The following ZWILCH variants were observed in gnomAD, a reference collection of about 807,000 sequenced individuals.
The protein encoded by ZWILCH is protein zwilch homolog.
In ZWILCH, 74 loss-of-function variants were observed where a neutral mutation model predicts 79.9. That is an observed-to-expected ratio of 0.93 (90% CI 0.77 to 1.12). The LOEUF (loss-of-function observed/expected upper bound fraction) is 1.12. ZWILCH is among the 50% of genes most tolerant of loss of function. The probability of loss-of-function intolerance (pLI) is 0.00; values close to 1 mark genes in which losing one functional copy is unlikely to be tolerated. For synonymous variants in ZWILCH, 241 were observed against 228.2 expected, an observed-to-expected ratio of 1.06 and a Z score of -0.51; for missense variants, 694 against 687.5, an observed-to-expected ratio of 1.01 and a Z score of -0.11.
intron 17 of ZWILCH, among the ~76,000 whole-genome samples, chr15:66,543,979 A>C (rs565298376): frequency 1.3e-5 from 2 of 152,290 alleles, no homozygotes; most frequent in African/African-American, 4.8e-5. Context: ...TCTTTTAAAG[A>C]AGAAAACATA....
chr15:66,509,183 G>A (rs1253492782), intron 2 of ZWILCH, among the ~76,000 whole-genome samples: 2 of 151,958 alleles, frequency 1.3e-5, no homozygotes, highest in African/African-American at 2.4e-5. Context: ...CTCATGATCC[G>A]CCCGCCTCGG....
chr15:66,510,815 A>G (rs75456687), intron 2 of ZWILCH, among the ~76,000 whole-genome samples: 1,969 of 152,150 alleles, frequency 0.013, 35 homozygotes, highest in African/African-American at 0.045. Flanking sequence ...ACATCACTCA[A>G]ATCTCTGCTT....
chr15:66,509,062 C>T (rs1846533458), intron 2 of ZWILCH, among the ~76,000 whole-genome samples, 170 bp downstream of exon 2: 3 of 152,140 alleles, frequency 2.0e-5, no homozygotes, highest in Admixed American at 2.0e-4. Flanking sequence ...GCCTCAGCCT[C>T]CCGAGTAGCT....
chr15:66,539,657 A>C (rs752289846), intron 16 of ZWILCH, among the ~76,000 whole-genome samples: 1 of 152,150 alleles, frequency 6.6e-6, no homozygotes, highest in East Asian at 1.9e-4. Flanking sequence ...AATGTCTCCT[A>C]TCACAGGGAT....
chr15:66,537,609 T>G (rs1269960384), intron 16 of ZWILCH, among the ~76,000 whole-genome samples: 1 of 152,016 alleles, frequency 6.6e-6, no homozygotes, highest in East Asian at 1.9e-4. Context: ...GAGAATCGCT[T>G]AAACCTGGGA....
intron 7 of ZWILCH, chr15:66,523,332 C>T (rs1053827628): frequency 1.6e-5 from 3 of 188,064 alleles, no homozygotes; most frequent in Non-Finnish European, 3.3e-5. Flanking sequence ...AAGTTATCAC[C>T]GAATCTTGAG....
At chr15:66,511,267 C>A (rs1197985060) in intron 2 of ZWILCH, among the ~76,000 whole-genome samples, 1 of 152,074 alleles carries the variant, frequency 6.6e-6, no homozygotes, top group Admixed American at 6.6e-5. Context: ...GGGAGGATTG[C>A]TTGATCTGAG....
rs138838416 is a variant in ZWILCH at position 66,528,892 on chromosome 15, A to G, written c.1010A>G (p.Lys337Arg). ...HDTAAVDRSV[K>R]RLFKVRSDLD... ...ACTGCTGCAGTCGATCGTTCCGTCAAGCGTCTTTTCAAAGTTCGGAGTGAT... is the reference window on the plus strand; with the variant it reads ...ACTGCTGCAGTCGATCGTTCCGTCAGGCGTCTTTTCAAAGTTCGGAGTGAT... The change falls in exon 11 of 19, where the codon AAG becomes AGG. Residue 337 changes from lysine to arginine, a missense_variant. Transcript: ENST00000307897. 1,350 of 1,614,138 alleles carry G rather than the reference A, an allele frequency of 8.4e-4. 4 individuals are homozygous for G. Among genetic ancestry groups the G allele is most frequent in the Non-Finnish European group, 1.0e-3 (1,190 of 1,180,000 alleles).
chr15:66,520,943 G>A (rs190575441), intron 6 of ZWILCH, 107 bp from the exon 7 acceptor site: 54 of 1,226,074 alleles, frequency 4.4e-5, no homozygotes, highest in South Asian at 2.2e-4. Flanking sequence ...AAAGTATGGC[G>A]TGTGTGCTCT....
intron 7 of ZWILCH, chr15:66,523,448 A>G: frequency 2.5e-6 from 1 of 404,744 alleles, no homozygotes; most frequent in Admixed American, 3.9e-5. Context: ...ACAATTGTTT[A>G]TGTCATAGAA....
intron 17 of ZWILCH, among the ~76,000 whole-genome samples, chr15:66,544,724 T>TTTTATGTGTGTG (rs145952622): frequency 7.8e-6 from 1 of 128,490 alleles, no homozygotes; most frequent in African/African-American, 3.1e-5. Context: ...TTTTTGGTTT[T>TTTTATGTGTGTG]TGTGTGTGTG....
intron 1 of ZWILCH, among the ~76,000 whole-genome samples, chr15:66,506,337 C>G (rs933629208): frequency 6.6e-6 from 1 of 152,154 alleles, no homozygotes; most frequent in African/African-American, 2.4e-5. Flanking sequence ...TTGTTTTTAG[C>G]TGCTATATAG....
At chr15:66,526,533 C>T (rs1019817140) in intron 8 of ZWILCH, among the ~76,000 whole-genome samples, 2 of 151,892 alleles carry the variant, frequency 1.3e-5, no homozygotes, top group African/African-American at 2.4e-5. Context: ...CATCTTGGCT[C>T]ACTGCAAGCT....
In ZWILCH at chr15:66,549,945, G is replaced by T; in HGVS notation, c.*1621G>T. On this transcript the variant is annotated 3_prime_UTR_variant, in exon 19 of 19. Coordinates refer to ENST00000307897, the MANE Select transcript of ZWILCH (RefSeq NM_017975.5). The stretch of plus-strand genomic sequence containing the variant: ...TAATCATAAGTAGTTTTGGAAGATT[G>T]ACTTCAAGTAGAGCCACATTTTGAG... 1.3e-6 allele frequency: 1 copy of T among 742,236 alleles called. No individual in the cohort carries two copies. Among genetic ancestry groups the T allele is most frequent in the South Asian group, 2.7e-5 (1 of 37,480 alleles). 46.0% of individuals were successfully genotyped at this position (742,236 alleles called of 1,614,324 possible).
intron 4 of ZWILCH, among the ~76,000 whole-genome samples, chr15:66,517,430 G>GTGTGTGTGTGTGTGTATATATATA: frequency 7.5e-5 from 5 of 66,516 alleles, no homozygotes; most frequent in African/African-American, 1.2e-4. Context: ...GTGTGTGTGT[G>GTGTGTGTGTGTGTGTATATATATA]TATATATATA....
At chr15:66,546,836 CT>C in intron 18 of ZWILCH, 131 bp downstream of exon 18, 1 of 400,014 alleles carries the variant, frequency 2.5e-6, no homozygotes, top group Non-Finnish European at 4.4e-6. Context: ...ACATAAAAGG[CT>C]TACCAGTTGT....
At chr15:66,509,568 G>A (rs1328491036) in intron 2 of ZWILCH, among the ~76,000 whole-genome samples, 1 of 151,944 alleles carries the variant, frequency 6.6e-6, no homozygotes, top group Non-Finnish European at 1.5e-5. Context: ...CCATTCACCA[G>A]TTGAAGGACA....
chr15:66,518,733 C>T, intron 4 of ZWILCH, 146 bp from the exon 5 acceptor site: 1 of 702,084 alleles, frequency 1.4e-6, no homozygotes, highest in Non-Finnish European at 2.4e-6. Context: ...ATCACTTGAG[C>T]CAAGGAGGCC....
chr15:66,549,991 A>G lies in ZWILCH; in HGVS notation c.*1667A>G. The G allele has an allele frequency of 7.9e-7, 1 of 1,268,936 alleles. No homozygotes were observed. The highest frequency in any genetic ancestry group is 1.1e-6 in the Non-Finnish European group (1 of 914,788). The allele number at this position is 1,268,936 out of a possible 1,614,324, so 78.6% of individuals were successfully genotyped here. A position where few individuals can be genotyped will look rare whatever the true frequency, so the allele number is the denominator to read the frequency against. On this transcript the variant is annotated 3_prime_UTR_variant, in exon 19 of 19. Coordinates refer to ENST00000307897, the MANE Select transcript of ZWILCH (RefSeq NM_017975.5). ...TTGAGATTTTGAAAATGATATGTAT[A>G]ATTATTTAGTTTAATTATTAAAGGA... is the stretch of plus-strand genomic sequence containing the variant.
Sources: allele counts gnomAD v4.1 joint callset (sites outside exome capture counted in the v4.1 genomes callset), GRCh38; gene constraint gnomAD v4.1.1; transcripts MANE v1.5; gene names NCBI Gene and HGNC (gene_info 2026-07-23, HGNC 2026-07-21).